Variants in CFHR5 observed in about 807,000 individuals in gnomAD.
CFHR5 encodes complement factor H related 5, also known as complement factor H-related protein 5.
A neutral mutation model predicts 62.9 loss-of-function variants in CFHR5; 73 were observed. The observed-to-expected ratio is 1.16, with a 90% CI of 0.96 to 1.41. The LOEUF (loss-of-function observed/expected upper bound fraction) is 1.41, where lower values mean the gene tolerates loss of function less well. Among genes scored for constraint, CFHR5 ranks in the 40% most tolerant of loss-of-function variants. The pLI is 0.00. For synonymous variants in CFHR5, 249 were observed against 227.2 expected, an observed-to-expected ratio of 1.10 and a Z score of -0.86; for missense variants, 779 against 679.9, an observed-to-expected ratio of 1.15 and a Z score of -1.62.
In CFHR5 at chr1:196,977,696, C is replaced by T. The variant is rs776188297; in HGVS notation, c.32C>T (p.Ser11Leu). 1 of 1,613,056 alleles carries T rather than the reference C, an allele frequency of 6.2e-7. No individual in the cohort carries two copies. Among genetic ancestry groups the T allele is most frequent in the South Asian group, 1.1e-5 (1 of 90,986 alleles). The change falls in exon 1 of 10, where the codon TCA becomes TTA. Residue 11 changes from serine (S) to leucine (L), a missense_variant. Ser to Leu is a moderately radical substitution (Grantham distance 145). Coordinates refer to ENST00000256785, the MANE Select transcript of CFHR5 (RefSeq NM_030787.4). MLLLFSVILI[S>L]WVSTVGGEGT... Reference sequence around the variant, plus strand: ...CTCTTATTCAGTGTAATCCTAATCTCATGGGTATCCACTGTTGGGGGAGAA... The same window carrying T: ...CTCTTATTCAGTGTAATCCTAATCTTATGGGTATCCACTGTTGGGGGAGAA...
rs955887767 is a variant in CFHR5 at position 196,982,068 on chromosome 1, A to C, written c.59-817A>C. Among the ~76,000 whole-genome samples the C allele has an allele frequency of 2.0e-5, 3 of 152,114 alleles. No homozygotes were observed. In the East Asian group the frequency reaches 5.8e-4, roughly 29 times the overall value. On this transcript the variant is annotated intron_variant, in intron 1 of 9. Coordinates refer to ENST00000256785, the MANE Select transcript of CFHR5 (RefSeq NM_030787.4). ...ACATAAACTTTGTAACCAGAAAGTA[A>C]TCAGAATATTAATAAACAAAAAATC...
chr1:196,999,683 G>GTATATATATATA (rs35191504), intron 7 of CFHR5, among the ~76,000 whole-genome samples: 56 of 110,516 alleles, frequency 5.1e-4, no homozygotes, highest in African/African-American at 7.7e-4. Context: ...TTGGGAAAAA[G>GTATATATATATA]TATATATATA....
intron 3 of CFHR5, among the ~76,000 whole-genome samples, chr1:196,989,058 G>A (rs150916848): frequency 5.3e-4 from 80 of 152,174 alleles, no homozygotes; most frequent in Admixed American, 7.9e-4. Flanking sequence ...CCTGTTATTG[G>A]TCTATTCAGA....
chr1:197,003,928 T>G (rs1189610447), intron 8 of CFHR5, among the ~76,000 whole-genome samples: 1 of 152,090 alleles, frequency 6.6e-6, no homozygotes, highest in Non-Finnish European at 1.5e-5. Flanking sequence ...TTTTACAAGT[T>G]TAAAGGTGAA....
intron 7 of CFHR5, 74 bp downstream of exon 7, chr1:196,998,378 T>G: frequency 8.2e-7 from 1 of 1,212,406 alleles, no homozygotes; most frequent in South Asian, 1.3e-5. Flanking sequence ...ATTAGAATGT[T>G]TTTAAATTAA....
At chr1:197,006,582 C>T (rs917981244) in intron 9 of CFHR5, among the ~76,000 whole-genome samples, 2 of 151,418 alleles carry the variant, frequency 1.3e-5, no homozygotes, top group Non-Finnish European at 2.9e-5. Context: ...ATGGGTGGCA[C>T]GTGCCTGTAA....
At chr1:196,997,138 T>C (rs1654013135) in intron 6 of CFHR5, among the ~76,000 whole-genome samples, 2 of 152,096 alleles carry the variant, frequency 1.3e-5, no homozygotes, top group Non-Finnish European at 2.9e-5. Flanking sequence ...CTCCATCTCC[T>C]GGACTTTTGG....
intron 7 of CFHR5, among the ~76,000 whole-genome samples, chr1:196,999,943 AT>A (rs1654104792): frequency 6.6e-6 from 1 of 151,378 alleles, no homozygotes; most frequent in South Asian, 2.1e-4. Flanking sequence ...AGAACCTTGT[AT>A]TTCCAACTAA....
At chr1:196,995,964 A>G in intron 5 of CFHR5, 58 bp from the exon 6 acceptor site, 1 of 1,594,152 alleles carries the variant, frequency 6.3e-7, no homozygotes. Flanking sequence ...ATAAATACAC[A>G]TGTAAACAGA....
intron 1 of CFHR5, among the ~76,000 whole-genome samples, chr1:196,981,550 T>A (rs1325380227): frequency 6.6e-6 from 1 of 151,934 alleles, no homozygotes; most frequent in East Asian, 1.9e-4. Flanking sequence ...AACATGAATA[T>A]TTCACCCATT....
chr1:196,975,731 G>A (rs912294578), upstream of CFHR5, among the ~76,000 whole-genome samples: 2 of 152,164 alleles, frequency 1.3e-5, no homozygotes, highest in South Asian at 2.1e-4. Flanking sequence ...ATTTAGGACC[G>A]TGTTCATTAA....
intron 9 of CFHR5, among the ~76,000 whole-genome samples, chr1:197,006,013 A>T (rs1654279116): frequency 6.6e-6 from 1 of 152,200 alleles, no homozygotes; most frequent in South Asian, 2.1e-4. Flanking sequence ...TTTCAAAGAT[A>T]ACTTCTAGGA....
At chr1:197,003,916 T>A (rs965664491) in intron 8 of CFHR5, among the ~76,000 whole-genome samples, 2 of 152,132 alleles carry the variant, frequency 1.3e-5, no homozygotes, top group African/African-American at 4.8e-5. Context: ...TGAAGAAGGA[T>A]CTTTTACAAG....
intron 1 of CFHR5, among the ~76,000 whole-genome samples, chr1:196,978,210 T>C (rs1238180463): frequency 6.6e-6 from 1 of 152,172 alleles, no homozygotes; most frequent in East Asian, 1.9e-4. Context: ...TATATTTTAA[T>C]GAAACAATAG....
chr1:196,997,455 C>T (rs1654023518), intron 6 of CFHR5, among the ~76,000 whole-genome samples: 1 of 152,102 alleles, frequency 6.6e-6, no homozygotes, highest in Non-Finnish European at 1.5e-5. Flanking sequence ...CTCATTATCC[C>T]ATCCTTTTAC....
At chr1:196,985,789 CA>C (rs1244552477) in intron 3 of CFHR5, among the ~76,000 whole-genome samples, 1 of 152,166 alleles carries the variant, frequency 6.6e-6, no homozygotes, top group Middle Eastern at 3.2e-3. Flanking sequence ...CTTTGTGACA[CA>C]AAAAATATCC....
At chr1:196,975,370 C>G (rs566509795), upstream of CFHR5, among the ~76,000 whole-genome samples, 1 of 152,158 alleles carries the variant, frequency 6.6e-6, no homozygotes, top group African/African-American at 2.4e-5. Context: ...TGTTGTTGCT[C>G]TTCATGATGA....
At chr1:196,998,764 G>A (rs1323232845) in intron 7 of CFHR5, among the ~76,000 whole-genome samples, 1 of 151,846 alleles carries the variant, frequency 6.6e-6, no homozygotes, top group Non-Finnish European at 1.5e-5. Context: ...ATTCCTCGAA[G>A]GCTTATATTC....
intron 7 of CFHR5, among the ~76,000 whole-genome samples, chr1:197,001,010 G>C (rs1170994860): frequency 6.6e-6 from 1 of 152,062 alleles, no homozygotes; most frequent in Non-Finnish European, 1.5e-5. Flanking sequence ...AATCAAAAAT[G>C]TATACTAACA....
Sources: gnomAD v4.1 joint callset for allele counts (sites outside exome capture counted in the v4.1 genomes callset) on GRCh38, gnomAD v4.1.1 for gene constraint, MANE v1.5 for transcripts, NCBI Gene and HGNC (gene_info 2026-07-23, HGNC 2026-07-21) for gene names.